Variants in FANCB observed in about 807,000 individuals in gnomAD.
The protein encoded by FANCB is Fanconi anemia group B protein.
In FANCB, 5 loss-of-function variants were observed where a neutral mutation model predicts 38.9. That is an observed-to-expected ratio of 0.13 (90% CI 0.07 to 0.27). FANCB has a LOEUF of 0.27. FANCB is among the 10% of genes least tolerant of loss of function. The pLI is 1.00. For synonymous variants in FANCB, 236 were observed against 215.4 expected (o/e 1.10, Z -0.84); for missense variants, 573 against 602.7 (o/e 0.95, Z 0.52).
intron 1 of FANCB, chrX:14,869,329 C>T (rs1334121079): frequency 8.9e-6 from 1 of 111,950 alleles, no homozygotes; most frequent in East Asian, 2.8e-4. Flanking sequence ...CTCTGGTTCA[C>T]TTACCAATAA....
chrX:14,771,547 T>C, the FANCB span, among the ~76,000 whole-genome samples: 1 of 111,764 alleles, frequency 8.9e-6, no homozygotes, highest in Non-Finnish European at 1.9e-5. Flanking sequence ...TGTTTTATCA[T>C]GATTCTTCGC....
At chrX:14,830,353 G>A in the FANCB span, among the ~76,000 whole-genome samples, 33 of 111,190 alleles carry the variant, frequency 3.0e-4, no homozygotes, top group South Asian at 0.013. Flanking sequence ...AATGGTGCTG[G>A]TAGACTTGTC....
chrX:14,824,257 T>C, the FANCB span, among the ~76,000 whole-genome samples: 1 of 111,895 alleles, frequency 8.9e-6, no homozygotes, highest in African/African-American at 3.2e-5. Context: ...TGGGTTTATC[T>C]GCCATACAGA....
At chrX:14,800,744 A>G in the FANCB span, among the ~76,000 whole-genome samples, 1 of 112,113 alleles carries the variant, frequency 8.9e-6, no homozygotes, top group East Asian at 2.8e-4. Flanking sequence ...ATTTAATTGC[A>G]TGATTTCATT....
the FANCB span, among the ~76,000 whole-genome samples, chrX:14,802,801 T>A: frequency 2.9e-4 from 33 of 111,918 alleles, no homozygotes; most frequent in African/African-American, 9.4e-4. Flanking sequence ...GGAAGAGAAA[T>A]AACATATGAG....
At chrX:14,740,383 T>A in the FANCB span, among the ~76,000 whole-genome samples, 1 of 111,231 alleles carries the variant, frequency 9.0e-6, no homozygotes, top group Admixed American at 9.6e-5. Flanking sequence ...TGATCTCCCA[T>A]CATGCTCGGC....
chrX:14,841,036 G>A (rs2092353651), downstream of FANCB, among the ~76,000 whole-genome samples: 2 of 112,241 alleles, frequency 1.8e-5, no homozygotes, highest in Non-Finnish European at 3.8e-5. Flanking sequence ...GGATCTTACA[G>A]GACAGGGCTA....
the FANCB span, among the ~76,000 whole-genome samples, chrX:14,791,502 C>T: frequency 1.8e-5 from 2 of 111,754 alleles, no homozygotes; most frequent in Non-Finnish European, 3.8e-5. Flanking sequence ...TAAGTCACTC[C>T]GTTTGTGGTA....
chrX:14,841,037 G>A (rs1407436302), downstream of FANCB, among the ~76,000 whole-genome samples: 31 of 112,257 alleles, frequency 2.8e-4, no homozygotes, highest in Non-Finnish European at 1.9e-5. Context: ...GATCTTACAG[G>A]ACAGGGCTAT....
chrX:14,702,138 C>T, the FANCB span, among the ~76,000 whole-genome samples: 1 of 111,655 alleles, frequency 9.0e-6, no homozygotes, highest in Non-Finnish European at 1.9e-5. Flanking sequence ...ATGTTAGAAA[C>T]GACATGATGC....
chrX:14,733,018 C>T, the FANCB span, among the ~76,000 whole-genome samples: 34 of 112,104 alleles, frequency 3.0e-4, no homozygotes, highest in Admixed American at 5.7e-4. Flanking sequence ...TTAGGTCTTA[C>T]GTTTAAGTCT....
the FANCB span, among the ~76,000 whole-genome samples, chrX:14,709,044 C>CTGAT: frequency 9.0e-6 from 1 of 111,723 alleles, no homozygotes; most frequent in African/African-American, 3.3e-5. Flanking sequence ...CTTTTTGCCT[C>CTGAT]TGATTATAAC....
the FANCB span, among the ~76,000 whole-genome samples, chrX:14,697,227 G>A: frequency 8.9e-6 from 1 of 112,107 alleles, no homozygotes; most frequent in African/African-American, 3.2e-5. Context: ...ATACAGCCCA[G>A]TTTACCTGGG....
At chrX:14,692,080 T>A in the FANCB span, among the ~76,000 whole-genome samples, 2 of 111,888 alleles carry the variant, frequency 1.8e-5, no homozygotes, top group African/African-American at 6.5e-5. Flanking sequence ...GCTCACTGAG[T>A]TCTGACTGCA....
chrX:14,750,273 A>G, the FANCB span, among the ~76,000 whole-genome samples: 3 of 111,959 alleles, frequency 2.7e-5, no homozygotes, highest in Non-Finnish European at 5.6e-5. Context: ...CTGCTTTAAC[A>G]GATAAGCCCA....
chrX:14,702,401 A>G, the FANCB span, among the ~76,000 whole-genome samples: 4 of 112,003 alleles, frequency 3.6e-5, no homozygotes, highest in African/African-American at 1.3e-4. Context: ...AGTAGTCTAC[A>G]CTTCCCTGAA....
the FANCB span, among the ~76,000 whole-genome samples, chrX:14,754,821 G>A: frequency 9.0e-6 from 1 of 110,793 alleles, no homozygotes; most frequent in African/African-American, 3.3e-5. Context: ...TAAGAAGAGG[G>A]AATTCTTGCA....
chrX:14,721,381 G>C, the FANCB span, among the ~76,000 whole-genome samples: 1 of 111,058 alleles, frequency 9.0e-6, no homozygotes, highest in African/African-American at 3.3e-5. Flanking sequence ...TAATTACCTT[G>C]AGTTAATCAT....
At chrX:14,779,326 G>T in the FANCB span, among the ~76,000 whole-genome samples, 1 of 112,300 alleles carries the variant, frequency 8.9e-6, no homozygotes, top group African/African-American at 3.2e-5. Flanking sequence ...AGGTTGGAGT[G>T]CTTCTCAGAG....
Sources: allele counts gnomAD v4.1 joint callset (sites outside exome capture counted in the v4.1 genomes callset), GRCh38; gene constraint gnomAD v4.1.1; transcripts MANE v1.5; gene names NCBI Gene and HGNC (gene_info 2026-07-23, HGNC 2026-07-21).